Variants in TMEM132B observed in about 807,000 individuals in gnomAD.
TMEM132B encodes the protein transmembrane protein 132B.
A neutral mutation model predicts 90.8 loss-of-function variants in TMEM132B; 18 were observed. The ratio of observed to expected loss-of-function variants is 0.20; its 90% CI spans 0.14 to 0.29. The LOEUF (loss-of-function observed/expected upper bound fraction) is 0.29, where lower values mean the gene tolerates loss of function less well. Ranked by LOEUF, TMEM132B falls within the 10% of genes least tolerant of loss-of-function variation. The pLI, the probability that TMEM132B is intolerant of heterozygous loss-of-function variation, is 1.00. For synonymous variants in TMEM132B, 504 were observed against 523.3 expected, an observed-to-expected ratio of 0.96 and a Z score of 0.50; for missense variants, 1,096 against 1,326.8, an observed-to-expected ratio of 0.83 and a Z score of 2.70.
intron 1 of TMEM132B, among the ~76,000 whole-genome samples, chr12:125,310,409 C>G (rs1009120651): frequency 2.6e-5 from 4 of 152,212 alleles, no homozygotes; most frequent in Admixed American, 6.5e-5. Flanking sequence ...CACTGCCTGT[C>G]TCCTTAGATC....
rs1237812661 is a variant in TMEM132B at position 125,407,791 on chromosome 12, G to GT, written c.960-7740_960-7739insT. Among the ~76,000 whole-genome samples the GT allele has an allele frequency of 6.6e-6, 1 of 152,198 alleles. No individual in the cohort carries two copies. The highest frequency in any genetic ancestry group is 1.5e-5 in the Non-Finnish European group (1 of 68,030). ...GGGGTGGTGACATTTGGGTTCACCT[G>GT]GAGACCTACCAGTGAACGTGGGCAG... On this transcript the variant is annotated intron_variant, in intron 2 of 8. Coordinates refer to ENST00000682704, the MANE Select transcript of TMEM132B (RefSeq NM_001366854.1). This position sits in a 1 kb window ranked among gnomAD's most constrained non-coding sequence, Gnocchi z 6.7.
At chr12:125,397,726 C>T (rs935025385) in intron 2 of TMEM132B, among the ~76,000 whole-genome samples, 4 of 152,174 alleles carry the variant, frequency 2.6e-5, no homozygotes, top group Non-Finnish European at 4.4e-5. Flanking sequence ...ATTGGGGAAC[C>T]TCTGTCATGT....
At chr12:125,636,829 C>G (rs1271900785) in intron 5 of TMEM132B, among the ~76,000 whole-genome samples, 1 of 152,206 alleles carries the variant, frequency 6.6e-6, no homozygotes, top group East Asian at 1.9e-4. Flanking sequence ...CACATCTTCT[C>G]TCTAAGTGTC....
At chr12:125,491,719 C>T (rs1174212785) in intron 3 of TMEM132B, among the ~76,000 whole-genome samples, 2 of 152,178 alleles carry the variant, frequency 1.3e-5, no homozygotes, top group Non-Finnish European at 2.9e-5. Flanking sequence ...GTCCATTAGT[C>T]AAGTATGGGC....
rs60316781 is a variant in TMEM132B at position 125,277,502 on chromosome 12, A to AACACACACACACACACACACAC, written c.68-71944_68-71923dup. 4.5e-3 allele frequency among the ~76,000 whole-genome samples: 650 copies of AACACACACACACACACACACAC among 143,126 alleles called. 3 individuals are homozygous for AACACACACACACACACACACAC. The highest frequency in any genetic ancestry group is 9.2e-3 in the African/African-American group (344 of 37,362). The allele number at this position is 143,126 out of a possible 152,430, so 93.9% of individuals were successfully genotyped here. On this transcript the variant is annotated intron_variant, in intron 1 of 8. Transcript: ENST00000682704. The surrounding 1 kb of genome is among the most constrained non-coding windows in gnomAD (Gnocchi z 4.3). ...TCAAAAAAAAAAGATGAAGAGGGAGAACACACACACACACACACACACACA... is the reference window on the plus strand; with the variant it reads ...TCAAAAAAAAAAGATGAAGAGGGAGAACACACACACACACACACACACACACACACACACACACACACACACA...
intron 1 of TMEM132B, among the ~76,000 whole-genome samples, chr12:125,253,791 T>C (rs1190890657): frequency 1.3e-5 from 2 of 152,172 alleles, no homozygotes; most frequent in African/African-American, 4.8e-5. Context: ...TTATTATCCC[T>C]ATTCCAGAGC....
At chr12:125,494,325 C>G (rs1414740882) in intron 3 of TMEM132B, among the ~76,000 whole-genome samples, 1 of 138,318 alleles carries the variant, frequency 7.2e-6, no homozygotes, top group African/African-American at 2.7e-5. Flanking sequence ...CCTCCTCCCC[C>G]TCCTCACTGG....
In TMEM132B at chr12:125,661,429, G is replaced by A. The variant is rs571520991; in HGVS notation, c.*6719G>A. The A allele has an allele frequency of 2.6e-4, 39 of 152,212 alleles. No homozygotes were observed. The highest frequency in any genetic ancestry group is 5.8e-4 in the East Asian group (3 of 5,168). 9.4% of individuals were successfully genotyped at this position (152,212 alleles called of 1,614,324 possible). ...AATCTGGTTGGTGACCGTTTCCATCGGGCACACCTGGAAATGTCCATCGGA... is the reference window on the plus strand; with the variant it reads ...AATCTGGTTGGTGACCGTTTCCATCAGGCACACCTGGAAATGTCCATCGGA... On this transcript the variant is annotated 3_prime_UTR_variant, in exon 9 of 9. Coordinates refer to ENST00000682704, the MANE Select transcript of TMEM132B (RefSeq NM_001366854.1).
At chr12:125,385,404 C>T (rs1050771717) in intron 2 of TMEM132B, among the ~76,000 whole-genome samples, 3 of 152,194 alleles carry the variant, frequency 2.0e-5, no homozygotes, top group African/African-American at 7.2e-5. Context: ...AGAGCCTCAC[C>T]ATGTCTCTTT....
In TMEM132B at chr12:125,412,155, A is replaced by G. The variant is rs187452943; in HGVS notation, c.960-3376A>G. Among the ~76,000 whole-genome samples the G allele has an allele frequency of 9.2e-5, 14 of 152,318 alleles. 1 individual carries two copies. Among genetic ancestry groups the G allele is most frequent in the African/African-American group, 3.1e-4 (13 of 41,566 alleles). ...GGATAAACCAGAGGCTAGAAGCCCC[A>G]GTGGAAGAAGCATCGTGCACGGAGT... On this transcript the variant is annotated intron_variant, in intron 2 of 8. Coordinates refer to ENST00000682704, the MANE Select transcript of TMEM132B (RefSeq NM_001366854.1).
chr12:125,327,984 A>G (rs1876638922), intron 1 of TMEM132B, among the ~76,000 whole-genome samples: 1 of 152,150 alleles, frequency 6.6e-6, no homozygotes, highest in African/African-American at 2.4e-5. Flanking sequence ...GAAGAAGTAA[A>G]CCTGGGGCCA....
At chr12:125,368,026 A>C (rs755579148) in intron 2 of TMEM132B, among the ~76,000 whole-genome samples, 15 of 152,106 alleles carry the variant, frequency 9.9e-5, no homozygotes, top group Non-Finnish European at 2.2e-4. Context: ...TGATTGCTCT[A>C]GGGATCATAG....
intron 1 of TMEM132B, among the ~76,000 whole-genome samples, chr12:125,218,017 G>A (rs1270748969): frequency 1.3e-5 from 2 of 152,226 alleles, no homozygotes; most frequent in Admixed American, 6.5e-5. Flanking sequence ...AATTTTAAGG[G>A]AGATGGAACT....
intron 2 of TMEM132B, among the ~76,000 whole-genome samples, chr12:125,383,063 A>G (rs1367689083): frequency 1.3e-5 from 2 of 152,086 alleles, no homozygotes; most frequent in Non-Finnish European, 2.9e-5. Flanking sequence ...CCCAACCTGG[A>G]GTGGGTTTCT....
At chr12:125,451,312 T>C (rs1881144619) in intron 3 of TMEM132B, among the ~76,000 whole-genome samples, 1 of 152,186 alleles carries the variant, frequency 6.6e-6, no homozygotes, top group Non-Finnish European at 1.5e-5. Context: ...TAAGTGGCCA[T>C]GGCATAAGTA....
In TMEM132B at chr12:125,213,059, C is replaced by G. The variant is rs1284142906; in HGVS notation, c.67+26193C>G. Among the ~76,000 whole-genome samples, 2 of 152,222 alleles carry G rather than the reference C, an allele frequency of 1.3e-5. No individual in the cohort carries two copies. Among genetic ancestry groups the G allele is most frequent in the African/African-American group, 4.8e-5 (2 of 41,462 alleles). ...TTTTCATCCTCCCAAATGGAAGTCC[C>G]GTACCCACTAGCGGTCACTCCCTAC... On this transcript the variant is annotated intron_variant, in intron 1 of 8. Transcript: ENST00000682704. This position sits in a 1 kb window ranked among gnomAD's most constrained non-coding sequence, Gnocchi z 4.2.
intron 2 of TMEM132B, among the ~76,000 whole-genome samples, chr12:125,375,983 T>C (rs1237472624): frequency 6.6e-6 from 1 of 152,218 alleles, no homozygotes; most frequent in Non-Finnish European, 1.5e-5. Context: ...CGGTACCACT[T>C]ACTCTTGGTG....
intron 1 of TMEM132B, among the ~76,000 whole-genome samples, chr12:125,315,206 T>C (rs145263691): frequency 7.9e-5 from 12 of 152,366 alleles, no homozygotes; most frequent in African/African-American, 2.6e-4. Context: ...ATTGTTTCTT[T>C]GTTTTGTTTT....
chr12:125,461,399 C>T (rs544935467), intron 3 of TMEM132B, among the ~76,000 whole-genome samples: 1 of 149,540 alleles, frequency 6.7e-6, no homozygotes, highest in Non-Finnish European at 1.5e-5. Flanking sequence ...TGCTCACTGT[C>T]ACCAGGCTGA....
Sources: allele counts gnomAD v4.1 joint callset (sites outside exome capture counted in the v4.1 genomes callset), GRCh38; gene constraint gnomAD v4.1.1; non-coding constraint Gnocchi (gnomAD v3.1); transcripts MANE v1.5; gene names NCBI Gene and HGNC (gene_info 2026-07-23, HGNC 2026-07-21).